Variants in PCDHGA8 observed in about 807,000 individuals in gnomAD.
PCDHGA8 encodes protocadherin gamma-A8.
In PCDHGA8, 45 loss-of-function variants were observed where a neutral mutation model predicts 59.2. The ratio of observed to expected loss-of-function variants is 0.76; its 90% CI spans 0.60 to 0.98. The LOEUF (loss-of-function observed/expected upper bound fraction) is 0.98, where lower values mean the gene tolerates loss of function less well. PCDHGA8 is among the 50% of genes least tolerant of loss of function. The pLI is 0.00. For missense variants in PCDHGA8, 1,257 were observed against 1,196.2 expected (o/e 1.05, Z -0.75); for synonymous variants, 531 against 519.0 (o/e 1.02, Z -0.32).
At chr5:141,422,806 C>A in intron 1 of PCDHGA8, 1 of 1,614,208 alleles carries the variant, frequency 6.2e-7, no homozygotes, top group Non-Finnish European at 8.5e-7. Flanking sequence ...TGAGCAGTTT[C>A]GAGACTTAGA....
intron 1 of PCDHGA8, chr5:141,398,003 A>C: frequency 1.4e-6 from 2 of 1,391,912 alleles, no homozygotes; most frequent in East Asian, 5.0e-5. Context: ...TCCTCGGAAA[A>C]AGAATCGTTT....
In PCDHGA8 at chr5:141,420,274, GGTAA is replaced by G. The variant is rs1362175190; in HGVS notation, c.2424+25041_2424+25044del. 5.9e-6 allele frequency: 9 copies of G among 1,525,426 alleles called. 1 individual carries two copies. The highest frequency in any genetic ancestry group is 2.1e-5 in the Admixed American group (1 of 48,284). 94.5% of individuals were successfully genotyped at this position (1,525,426 alleles called of 1,614,324 possible). On this transcript the variant is annotated intron_variant, in intron 1 of 3. Coordinates refer to ENST00000398604, the MANE Select transcript of PCDHGA8 (RefSeq NM_032088.2). ...AAGCAGATAAGAAGATTCTTAAACAGGTAAGTATTTAAAAATGTATTTAATCCTT... is the reference window on the plus strand; with the variant it reads ...AAGCAGATAAGAAGATTCTTAAACAGGTATTTAAAAATGTATTTAATCCTT...
chr5:141,428,111 C>G (rs760446304), intron 1 of PCDHGA8: 2 of 1,607,622 alleles, frequency 1.2e-6, no homozygotes, highest in Non-Finnish European at 1.7e-6. Context: ...TGCTGCAGGC[C>G]ATCGAGCCCG....
chr5:141,420,065 G>T, intron 1 of PCDHGA8: 1 of 1,614,018 alleles, frequency 6.2e-7, no homozygotes, highest in East Asian at 2.2e-5. Flanking sequence ...CTCCAAGTCC[G>T]GACCTGTGGG....
At chr5:141,461,291 C>A (rs892436619) in intron 1 of PCDHGA8, among the ~76,000 whole-genome samples, 1 of 152,128 alleles carries the variant, frequency 6.6e-6, no homozygotes, top group African/African-American at 2.4e-5. Flanking sequence ...CACATCCACA[C>A]CAACATCTAT....
intron 1 of PCDHGA8, chr5:141,416,047 A>T (rs2095986655): frequency 1.6e-5 from 3 of 187,858 alleles, no homozygotes; most frequent in Non-Finnish European, 3.2e-5. Context: ...TGGAAACACA[A>T]CCCAAATCCA....
intron 1 of PCDHGA8, chr5:141,412,074 A>G (rs751287485): frequency 2.0e-5 from 3 of 152,184 alleles, no homozygotes; most frequent in Non-Finnish European, 4.4e-5. Context: ...TGAGGGAACA[A>G]TTGCTACTGG....
At chr5:141,418,130 G>A in intron 1 of PCDHGA8, 3 of 1,614,106 alleles carry the variant, frequency 1.9e-6, no homozygotes, top group Non-Finnish European at 2.5e-6. Flanking sequence ...GGACCGAATA[G>A]ACCGTGAGCA....
At chr5:141,430,834 G>T (rs1317415848) in intron 1 of PCDHGA8, 1 of 1,557,712 alleles carries the variant, frequency 6.4e-7, no homozygotes, top group Non-Finnish European at 8.7e-7. Context: ...CTCTGTGGGA[G>T]ACCGGATGCA....
chr5:141,496,783 C>T (rs572860852), intron 2 of PCDHGA8, among the ~76,000 whole-genome samples: 1 of 152,162 alleles, frequency 6.6e-6, no homozygotes, highest in East Asian at 1.9e-4. Context: ...GAGCAGGGCC[C>T]TGTGCTAAAC....
intron 1 of PCDHGA8, among the ~76,000 whole-genome samples, chr5:141,436,521 C>T (rs2097829891): frequency 6.6e-6 from 1 of 152,086 alleles, no homozygotes; most frequent in African/African-American, 2.4e-5. Flanking sequence ...AACTGTGTCA[C>T]CTTTAGCAAG....
chr5:141,506,444 CAAAAAAAAAAAAA>C (rs1219684339), intron 3 of PCDHGA8, among the ~76,000 whole-genome samples: 1 of 95,030 alleles, frequency 1.1e-5, no homozygotes, highest in Non-Finnish European at 2.2e-5. Context: ...CGCTCTGTCT[CAAAAAAAAAAAAA>C]AAAAAAAAGA....
chr5:141,421,530 C>T (rs377652360), intron 1 of PCDHGA8: 274 of 1,613,922 alleles, frequency 1.7e-4, no homozygotes, highest in Non-Finnish European at 2.3e-4. Flanking sequence ...AGACGGTGTC[C>T]TCCTGTTTTT....
chr5:141,501,017 C>T (rs1383853662), intron 2 of PCDHGA8, among the ~76,000 whole-genome samples: 5 of 151,866 alleles, frequency 3.3e-5, no homozygotes, highest in African/African-American at 7.3e-5. Flanking sequence ...TACAGGCACG[C>T]GCCACCACGC....
chr5:141,419,123 A>G (rs2096330317), intron 1 of PCDHGA8: 1 of 1,613,766 alleles, frequency 6.2e-7, no homozygotes, highest in African/African-American at 1.3e-5. Context: ...CAACGTCACC[A>G]TCGCAGCCAC....
At chr5:141,471,217 T>G (rs2099252724) in intron 1 of PCDHGA8, 1 of 151,568 alleles carries the variant, frequency 6.6e-6, no homozygotes, top group South Asian at 2.1e-4. Context: ...GCCTGGCAAT[T>G]TTTTTGTATT....
At chr5:141,469,079 C>T (rs1169035651) in intron 1 of PCDHGA8, among the ~76,000 whole-genome samples, 1 of 151,492 alleles carries the variant, frequency 6.6e-6, no homozygotes, top group Non-Finnish European at 1.5e-5. Context: ...GAGTTTGAGA[C>T]CATTCTAGGC....
Position 141,486,058 on chromosome 5 carries a change from G to A in PCDHGA8, c.2425-8749G>A. On this transcript the variant is annotated intron_variant, in intron 1 of 3. Transcript: ENST00000398604. The surrounding 1 kb of genome is among the most constrained non-coding windows in gnomAD (Gnocchi z 5.0). The stretch of plus-strand genomic sequence containing the variant: ...ATCGTGTAAGAAACCTCTTTAGCCT[G>A]CACCCCACTACTGGAAAGCTTACTC... The A allele has an allele frequency of 6.2e-7, 1 of 1,614,122 alleles. No homozygotes were observed. The highest frequency in any genetic ancestry group is 8.5e-7 in the Non-Finnish European group (1 of 1,180,012).
At chr5:141,500,959 C>T (rs2099804326) in intron 2 of PCDHGA8, among the ~76,000 whole-genome samples, 1 of 152,022 alleles carries the variant, frequency 6.6e-6, no homozygotes, top group South Asian at 2.1e-4. Flanking sequence ...AGCTCCACCT[C>T]CTGGGTTCAA....
Sources: allele counts gnomAD v4.1 joint callset (sites outside exome capture counted in the v4.1 genomes callset), GRCh38; gene constraint gnomAD v4.1.1; non-coding constraint Gnocchi (gnomAD v3.1); transcripts MANE v1.5; gene names NCBI Gene and HGNC (gene_info 2026-07-23, HGNC 2026-07-21).